The following GPC6 variants were observed in gnomAD, a reference collection of about 807,000 sequenced individuals.
GPC6 encodes the protein glypican 6.
GPC6 carries 14 observed loss-of-function variants against 55.2 expected under a neutral mutation model. The observed-to-expected ratio is 0.25, with a 90% CI of 0.17 to 0.40. The LOEUF (loss-of-function observed/expected upper bound fraction) is 0.40. Ranked by LOEUF, GPC6 falls within the 10% of genes least tolerant of loss-of-function variation. The pLI is 1.00. For synonymous variants in GPC6, 278 were observed against 259.6 expected, an observed-to-expected ratio of 1.07 and a Z score of -0.68; for missense variants, 641 against 708.5, an observed-to-expected ratio of 0.90 and a Z score of 1.08.
chr13:93,238,222 G>T (rs1256469431), intron 1 of GPC6, among the ~76,000 whole-genome samples: 1 of 152,096 alleles, frequency 6.6e-6, no homozygotes, highest in East Asian at 1.9e-4. Flanking sequence ...CCATTTGTTT[G>T]TGTGATCTAC....
intron 1 of GPC6, among the ~76,000 whole-genome samples, chr13:93,442,839 T>A (rs1350332587): frequency 1.1e-5 from 1 of 94,638 alleles, no homozygotes; most frequent in Admixed American, 1.1e-4. Context: ...ACATTCTCAG[T>A]TTTTTATCCC....
chr13:93,861,220 T>TA lies in GPC6; in HGVS notation c.711+30686dup, dbSNP rs964587308. Among the ~76,000 whole-genome samples, 972 of 144,408 alleles carry TA rather than the reference T, an allele frequency of 6.7e-3. 12 individuals carry two copies. Among genetic ancestry groups the TA allele is most frequent in the African/African-American group, 0.02 (799 of 39,728 alleles). 94.7% of individuals were successfully genotyped at this position (144,408 alleles called of 152,430 possible). A position where few individuals can be genotyped will look rare whatever the true frequency, so the allele number is the denominator to read the frequency against. On this transcript the variant is annotated intron_variant, in intron 3 of 8. Transcript: ENST00000377047. ...GAGAACATTTTCTATTTCACAGTAG[T>TA]AAAAAAAAAAAGAACTCTTTTGTAT...
chr13:94,021,559 A>G (rs1478380208), intron 3 of GPC6, among the ~76,000 whole-genome samples: 2 of 151,992 alleles, frequency 1.3e-5, no homozygotes, highest in Non-Finnish European at 2.9e-5. Flanking sequence ...CTACCCCACA[A>G]TACAGCTTTA....
chr13:94,332,128 T>TGACTA (rs1401279804), intron 6 of GPC6, among the ~76,000 whole-genome samples: 1 of 152,234 alleles, frequency 6.6e-6, no homozygotes, highest in Non-Finnish European at 1.5e-5. Context: ...GACATTCCTT[T>TGACTA]GACTATTACC....
At chr13:93,350,396 T>G (rs763992546) in intron 1 of GPC6, among the ~76,000 whole-genome samples, 1 of 152,188 alleles carries the variant, frequency 6.6e-6, no homozygotes, top group Non-Finnish European at 1.5e-5. Context: ...ATCATGCCAC[T>G]GCACTCCAGC....
At chr13:93,585,276 G>C (rs1379548363) in intron 2 of GPC6, among the ~76,000 whole-genome samples, 1 of 152,112 alleles carries the variant, frequency 6.6e-6, no homozygotes, top group African/African-American at 2.4e-5. Context: ...TCTCAGGAAA[G>C]TTAAAGGTTT....
chr13:93,938,940 A>G (rs559524405), intron 3 of GPC6, among the ~76,000 whole-genome samples: 1 of 152,170 alleles, frequency 6.6e-6, no homozygotes, highest in South Asian at 2.1e-4. Flanking sequence ...CGTCTCTACT[A>G]AAAATACAAA....
intron 3 of GPC6, among the ~76,000 whole-genome samples, chr13:94,015,007 GT>G (rs1882404638): frequency 6.6e-6 from 1 of 152,156 alleles, no homozygotes; most frequent in Admixed American, 6.5e-5. Flanking sequence ...TTGTGCAAAA[GT>G]TTTTTGGGTG....
intron 2 of GPC6, among the ~76,000 whole-genome samples, chr13:93,737,738 A>G (rs1179447668): frequency 1.3e-5 from 2 of 152,092 alleles, no homozygotes; most frequent in East Asian, 1.9e-4. Context: ...AAATGTTCCT[A>G]TGTTGTGAAA....
rs4773745 is a variant in GPC6, at chr13:93,412,838, A to G, written c.161-132425A>G. Among the ~76,000 whole-genome samples the G allele has an allele frequency of 3.3e-5, 5 of 152,142 alleles. 1 individual carries two copies. Among genetic ancestry groups the G allele is most frequent in the South Asian group, 2.1e-4 (1 of 4,824 alleles). ...ACAGTGGCAGCACCAGTCAGGCTCTATAATTATTTACTTGTGTGTGAATCC... is the reference window on the plus strand; with the variant it reads ...ACAGTGGCAGCACCAGTCAGGCTCTGTAATTATTTACTTGTGTGTGAATCC... On this transcript the variant is annotated intron_variant, in intron 1 of 8. Coordinates refer to ENST00000377047, the MANE Select transcript of GPC6 (RefSeq NM_005708.5).
intron 6 of GPC6, among the ~76,000 whole-genome samples, chr13:94,377,492 T>C (rs1318303036): frequency 6.7e-6 from 1 of 148,204 alleles, no homozygotes; most frequent in Non-Finnish European, 1.5e-5. Flanking sequence ...AAAACCACAA[T>C]GAGATACCAT....
intron 3 of GPC6, among the ~76,000 whole-genome samples, chr13:93,902,603 T>C (rs1487275020): frequency 6.6e-6 from 1 of 152,202 alleles, no homozygotes; most frequent in Non-Finnish European, 1.5e-5. Context: ...ACGGTAATTC[T>C]GTTTTTAATT....
At chr13:93,951,199 A>G (rs1879237989) in intron 3 of GPC6, among the ~76,000 whole-genome samples, 1 of 151,890 alleles carries the variant, frequency 6.6e-6, no homozygotes, top group Admixed American at 6.6e-5. Flanking sequence ...TTCCTGGAAA[A>G]CTCTTTTCAT....
chr13:94,015,516 A>G (rs1416452242), intron 3 of GPC6, among the ~76,000 whole-genome samples: 2 of 152,030 alleles, frequency 1.3e-5, no homozygotes, highest in Non-Finnish European at 2.9e-5. Context: ...AAAAGTTTTC[A>G]TTTTTATGCA....
chr13:94,122,745 T>C (rs1008062028), intron 4 of GPC6, among the ~76,000 whole-genome samples: 1 of 152,072 alleles, frequency 6.6e-6, no homozygotes, highest in African/African-American at 2.4e-5. Context: ...GCTGCAAAAA[T>C]CTCTCCAACT....
At chr13:93,565,641 C>T (rs1044583058) in intron 2 of GPC6, among the ~76,000 whole-genome samples, 12 of 152,144 alleles carry the variant, frequency 7.9e-5, no homozygotes, top group Admixed American at 6.5e-4. Context: ...CACATCTGGT[C>T]AGCTGGGCAC....
chr13:94,262,237 G>A (rs1264632696), intron 4 of GPC6, among the ~76,000 whole-genome samples: 1 of 152,168 alleles, frequency 6.6e-6, no homozygotes, highest in East Asian at 1.9e-4. Context: ...AGCATAAGAG[G>A]TCCAGAGGCA....
intron 1 of GPC6, among the ~76,000 whole-genome samples, chr13:93,347,830 G>A (rs1039533176): frequency 1.3e-5 from 2 of 152,102 alleles, no homozygotes; most frequent in African/African-American, 4.8e-5. Flanking sequence ...AAGCTTGCTG[G>A]GGAAGACAGC....
intron 3 of GPC6, among the ~76,000 whole-genome samples, chr13:93,913,206 T>C (rs780568868): frequency 3.9e-5 from 6 of 152,230 alleles, no homozygotes; most frequent in South Asian, 2.1e-4. Context: ...TCTTTTTACA[T>C]GTTTCAGTTA....
Sources: gnomAD v4.1 joint callset for allele counts (sites outside exome capture counted in the v4.1 genomes callset) on GRCh38, gnomAD v4.1.1 for gene constraint, MANE v1.5 for transcripts, NCBI Gene and HGNC (gene_info 2026-07-23, HGNC 2026-07-21) for gene names.